PRKCB: variants seen among roughly 807,000 people sequenced by gnomAD.
PRKCB encodes protein kinase C beta.
In PRKCB, 13 loss-of-function variants were observed where a neutral mutation model predicts 81.5. The observed-to-expected ratio is 0.16, with a 90% confidence interval of 0.10 to 0.25. PRKCB has a LOEUF of 0.25. Among genes scored for constraint, PRKCB ranks in the 10% least tolerant of loss-of-function variants. The pLI is 1.00. For synonymous variants in PRKCB, 335 were observed against 321.4 expected (o/e 1.04, Z -0.45); for missense variants, 509 against 875.7 (o/e 0.58, Z 5.29).
At chr16:24,178,640 A>G (rs957306942) in intron 12 of PRKCB, among the ~76,000 whole-genome samples, 1 of 152,212 alleles carries the variant, frequency 6.6e-6, no homozygotes, top group Non-Finnish European at 1.5e-5. Context: ...AAACTTTCAC[A>G]CAAATCATGG....
intron 5 of PRKCB, among the ~76,000 whole-genome samples, chr16:24,086,797 G>A (rs1966315904): frequency 6.6e-6 from 1 of 151,832 alleles, no homozygotes; most frequent in Non-Finnish European, 1.5e-5. Flanking sequence ...ATCAATTTTG[G>A]GTATATCTTT....
Position 23,873,202 on chromosome 16 carries a change from A to AAAG in PRKCB, c.205+35798_205+35799insGAA, listed in dbSNP as rs1555480621. ...CACACACACACACAAAAAAAAAAAA[A>AAAG]AAAAAAAGAAAAAAAAAGTTAGCTG... On this transcript the variant is annotated intron_variant, in intron 2 of 16. Coordinates refer to ENST00000643927, the MANE Select transcript of PRKCB (RefSeq NM_002738.7). Among the ~76,000 whole-genome samples the AAAG allele has an allele frequency of 2.2e-4, 18 of 83,402 alleles. No homozygotes were observed. In the South Asian group the frequency reaches 2.4e-3, roughly 11 times the overall value. The allele number at this position is 83,402 out of a possible 152,430, so 54.7% of individuals were successfully genotyped here.
At chr16:23,868,982 C>T (rs1567295873) in intron 2 of PRKCB, 4 of 369,036 alleles carry the variant, frequency 1.1e-5, no homozygotes, top group Admixed American at 2.8e-5. Flanking sequence ...TCACAGATGC[C>T]GAAATAGAAG....
At chr16:24,113,553 C>T (rs1055798957) in intron 8 of PRKCB, among the ~76,000 whole-genome samples, 2 of 143,462 alleles carry the variant, frequency 1.4e-5, no homozygotes, top group Non-Finnish European at 3.0e-5. Flanking sequence ...TTTCTTTCTT[C>T]CTCCTTCCTC....
intron 16 of PRKCB, among the ~76,000 whole-genome samples, chr16:24,209,319 A>C (rs957938335): frequency 9.6e-5 from 14 of 145,616 alleles, no homozygotes; most frequent in Non-Finnish European, 7.4e-5. Flanking sequence ...CCCTTTCTAC[A>C]GTCCTAAGCC....
chr16:24,103,309 A>AT (rs942359973), intron 7 of PRKCB, among the ~76,000 whole-genome samples: 1 of 151,936 alleles, frequency 6.6e-6, no homozygotes, highest in African/African-American at 2.4e-5. Context: ...TAATTTAGGC[A>AT]TTTTTTTTAA....
intron 2 of PRKCB, among the ~76,000 whole-genome samples, chr16:23,876,580 T>C (rs1963016896): frequency 2.1e-5 from 2 of 94,964 alleles, no homozygotes; most frequent in Admixed American, 1.3e-4. Context: ...CTTTTTCTTT[T>C]TGAAAAAAAA....
intron 8 of PRKCB, among the ~76,000 whole-genome samples, chr16:24,117,109 C>A (rs548134084): frequency 9.6e-5 from 14 of 145,976 alleles, no homozygotes; most frequent in African/African-American, 3.9e-4. Flanking sequence ...GAAAATTGTT[C>A]TCAGGCTCAC....
chr16:23,846,102 A>AAAAC (rs1344779202), intron 2 of PRKCB, among the ~76,000 whole-genome samples: 2 of 152,284 alleles, frequency 1.3e-5, no homozygotes, highest in African/African-American at 4.8e-5. Flanking sequence ...TGTTCAGAAG[A>AAAAC]TACTTTTTAA....
At chr16:23,944,673 G>A (rs190849817) in intron 2 of PRKCB, among the ~76,000 whole-genome samples, 29 of 152,288 alleles carry the variant, frequency 1.9e-4, no homozygotes, top group Admixed American at 1.6e-3. Context: ...CCCTCCTGCT[G>A]CCACTTTGGG....
intron 2 of PRKCB, among the ~76,000 whole-genome samples, chr16:23,965,018 T>C (rs1964469466): frequency 6.6e-6 from 1 of 152,166 alleles, no homozygotes; most frequent in Non-Finnish European, 1.5e-5. Flanking sequence ...CCAGCTTCAG[T>C]TTCAGGTTCA....
At chr16:24,181,055 A>G in intron 13 of PRKCB, 127 bp downstream of exon 13, 4 of 1,209,168 alleles carry the variant, frequency 3.3e-6, no homozygotes, top group Non-Finnish European at 4.6e-6. Context: ...TTCTTATTCT[A>G]TACTCTAAAT....
chr16:24,187,067 G>A (rs544158907), intron 15 of PRKCB, among the ~76,000 whole-genome samples: 1 of 152,250 alleles, frequency 6.6e-6, no homozygotes, highest in South Asian at 2.1e-4. Flanking sequence ...TTATTGAAGG[G>A]TGGGGGCGGG....
Position 23,882,620 on chromosome 16 carries a change from GTTGA to G in PRKCB, c.205+45217_205+45220del, listed in dbSNP as rs1484480988. Among the ~76,000 whole-genome samples, 4 of 152,130 alleles carry G rather than the reference GTTGA, an allele frequency of 2.6e-5. No individual in the cohort carries two copies. In the East Asian group the frequency reaches 7.7e-4, roughly 29 times the overall value. On this transcript the variant is annotated intron_variant, in intron 2 of 16. Transcript: ENST00000643927. ...TGTCAGAATTTTCTTCCTCTTTAAGGTTGATTAATATTCCATTGTATGAATAGGC... is the reference window on the plus strand; with the variant it reads ...TGTCAGAATTTTCTTCCTCTTTAAGGTTAATATTCCATTGTATGAATAGGC...
At chr16:24,082,884 T>C (rs2073534448) in intron 5 of PRKCB, among the ~76,000 whole-genome samples, 1 of 152,124 alleles carries the variant, frequency 6.6e-6, no homozygotes, top group Non-Finnish European at 1.5e-5. Context: ...AAAACTTTTA[T>C]TTTGCAAGAA....
intron 7 of PRKCB, among the ~76,000 whole-genome samples, chr16:24,111,642 A>G (rs1373880116): frequency 6.6e-6 from 1 of 150,642 alleles, no homozygotes; most frequent in Non-Finnish European, 1.5e-5. Context: ...AAAAAAAAGA[A>G]AAAAAAAACA....
At chr16:24,012,938 G>C (rs909828826) in intron 3 of PRKCB, among the ~76,000 whole-genome samples, 1 of 152,202 alleles carries the variant, frequency 6.6e-6, no homozygotes, top group Non-Finnish European at 1.5e-5. Flanking sequence ...CTTCTTCCCT[G>C]TGAGTTCAGT....
intron 5 of PRKCB, among the ~76,000 whole-genome samples, chr16:24,071,424 T>G (rs1225402716): frequency 2.6e-5 from 3 of 115,042 alleles, no homozygotes; most frequent in Admixed American, 1.2e-4. Context: ...GGTAACATGG[T>G]GAGACCCTGT....
chr16:24,102,856 T>C (rs1011213874), intron 7 of PRKCB, among the ~76,000 whole-genome samples: 1 of 152,236 alleles, frequency 6.6e-6, no homozygotes, highest in African/African-American at 2.4e-5. Context: ...TTTTTTCTTC[T>C]TTCGCCTGAC....
Sources: allele counts gnomAD v4.1 joint callset (sites outside exome capture counted in the v4.1 genomes callset), GRCh38; gene constraint gnomAD v4.1.1; transcripts MANE v1.5; gene names NCBI Gene and HGNC (gene_info 2026-07-23, HGNC 2026-07-21).